The following UNC13A variants were observed in gnomAD, a reference collection of about 807,000 sequenced individuals.
UNC13A encodes unc-13 homolog A.
In UNC13A, 61 loss-of-function variants were observed where a neutral mutation model predicts 219.7. That is an observed-to-expected ratio of 0.28 (90% CI 0.23 to 0.34). UNC13A has a LOEUF of 0.34. UNC13A is among the 10% of genes least tolerant of loss of function. The pLI, the probability that UNC13A is intolerant of heterozygous loss-of-function variation, is 1.00. For synonymous variants in UNC13A, 920 were observed against 884.6 expected, an observed-to-expected ratio of 1.04 and a Z score of -0.71; for missense variants, 1,476 against 2,270.3, an observed-to-expected ratio of 0.65 and a Z score of 7.11.
Position 17,606,063 on chromosome 19 carries a change from A to C in UNC13A, c.5103T>G (p.Pro1701=), listed in dbSNP as rs772836083. The C allele has an allele frequency of 5.1e-6, 8 of 1,564,250 alleles. 1 individual carries two copies. Among genetic ancestry groups the C allele is most frequent in the Admixed American group, 3.7e-5 (2 of 53,642 alleles). The change falls in exon 44 of 44, where the codon CCT becomes CCG. Residue 1701 remains proline (P), a synonymous_variant. Coordinates refer to ENST00000519716, the MANE Select transcript of UNC13A (RefSeq NM_001080421.3). Reference sequence around the variant, plus strand: ...CGGCCGACCGCCCGCGCTAAGGCGCAGGCGCGGCACCGCCCTCCTCGGCGG... The same window carrying C: ...CGGCCGACCGCCCGCGCTAAGGCGCCGGCGCGGCACCGCCCTCCTCGGCGG... The part of the protein sequence containing the change: ...TRSAEEGGAA[P]AP
At chr19:17,685,199 C>CT (rs11432679) in intron 1 of UNC13A, among the ~76,000 whole-genome samples, 16,895 of 151,052 alleles carry the variant, frequency 0.11, 1,052 homozygotes, top group South Asian at 0.24. Context: ...ATGAGTGAAT[C>CT]TTTTTTTTTG....
In UNC13A at chr19:17,601,932, C is replaced by T. The variant is rs1229289992; in HGVS notation, c.*4122G>A. On this transcript the variant is annotated 3_prime_UTR_variant, in exon 44 of 44. Coordinates refer to ENST00000519716, the MANE Select transcript of UNC13A (RefSeq NM_001080421.3). ...TTGTGATCCGGGACTAAGGCCCTCC[C>T]CCAACTTCCCCAGGGTGGCAGAGTT... 1 of 152,630 alleles carries T rather than the reference C, an allele frequency of 6.6e-6. No individual in the cohort carries two copies. Among genetic ancestry groups the T allele is most frequent in the African/African-American group, 2.4e-5 (1 of 41,440 alleles). 9.5% of individuals were successfully genotyped at this position (152,630 alleles called of 1,614,324 possible). A position where few individuals can be genotyped will look rare whatever the true frequency, so the allele number is the denominator to read the frequency against.
chr19:17,679,747 T>G (rs936411901), intron 1 of UNC13A, among the ~76,000 whole-genome samples: 1 of 152,090 alleles, frequency 6.6e-6, no homozygotes, highest in Non-Finnish European at 1.5e-5. Flanking sequence ...TTCTCTCCAC[T>G]CTGGTCGTCT....
intron 9 of UNC13A, among the ~76,000 whole-genome samples, chr19:17,657,740 G>C (rs1439929310): frequency 6.6e-6 from 1 of 151,952 alleles, no homozygotes; most frequent in African/African-American, 2.4e-5. Flanking sequence ...GTGGCGGCCT[G>C]TGCCTGTAGT....
At chr19:17,663,964 GT>G (rs1345295301) in intron 7 of UNC13A, among the ~76,000 whole-genome samples, 1 of 145,540 alleles carries the variant, frequency 6.9e-6, no homozygotes, top group Non-Finnish European at 1.5e-5. Flanking sequence ...TTCAGCTAAT[GT>G]TTTGGTTCTT....
chr19:17,622,122 G>A (rs2076736000), intron 36 of UNC13A, among the ~76,000 whole-genome samples: 1 of 152,134 alleles, frequency 6.6e-6, no homozygotes, highest in South Asian at 2.1e-4. Flanking sequence ...CAGATACAGA[G>A]CTAAAGAAAG....
Position 17,606,326 on chromosome 19 carries a change from A to T in UNC13A, c.4840T>A (p.Cys1614Ser). 6.5e-7 allele frequency: 1 copy of T among 1,548,002 alleles called. No individual in the cohort carries two copies. The highest frequency in any genetic ancestry group is 8.7e-7 in the Non-Finnish European group (1 of 1,147,566). The change falls in exon 44 of 44, where the codon TGC becomes AGC. Residue 1614 changes from cysteine to serine, a missense_variant. Around this residue, in one of 14 missense-constraint regions of UNC13A, gnomAD observed 187 missense variants for 172.3 expected, o/e 1.09. Transcript: ENST00000519716. ...TTGACGCACACCTGCAGCTCATAGC[A>T]CTCGGGACCCGCGTCGGCGCTCAGC... Reference protein sequence around the residue: ...FTLSADAGPECYELQVCVKDY... With the variant: ...FTLSADAGPESYELQVCVKDY...
At chr19:17,682,964 C>T (rs1443493944) in intron 1 of UNC13A, among the ~76,000 whole-genome samples, 1 of 152,166 alleles carries the variant, frequency 6.6e-6, no homozygotes, top group Non-Finnish European at 1.5e-5. Context: ...ACTCAGGAGG[C>T]TGAGGCAGGA....
Position 17,616,776 on chromosome 19 carries a change from G to T in UNC13A, c.4558+926C>A, listed in dbSNP as rs576052859. Among the ~76,000 whole-genome samples the T allele has an allele frequency of 2.4e-3, 365 of 152,250 alleles. 3 individuals are homozygous for T. Among genetic ancestry groups the T allele is most frequent in the African/African-American group, 8.3e-3 (345 of 41,548 alleles). On this transcript the variant is annotated intron_variant, in intron 41 of 43. Transcript: ENST00000519716. ...TGGGCTGGCTGGATCGGGGGAGAAG[G>T]GGGCCGTTGGAGGCCACAGGGCTTT...
intron 2 of UNC13A, 42 bp downstream of exon 2, chr19:17,675,970 A>G: frequency 2.6e-6 from 4 of 1,550,448 alleles, no homozygotes; most frequent in Non-Finnish European, 3.5e-6. Flanking sequence ...ACAGACAGAC[A>G]GACAGACAAC....
At chr19:17,670,656 C>A (rs1469409634) in intron 4 of UNC13A, among the ~76,000 whole-genome samples, 1 of 152,124 alleles carries the variant, frequency 6.6e-6, no homozygotes, top group African/African-American at 2.4e-5. Flanking sequence ...GTAATCCCAG[C>A]ACTTTGCGAG....
At chr19:17,625,011 T>G in intron 34 of UNC13A, 59 bp from the exon 35 acceptor site, 1 of 1,581,294 alleles carries the variant, frequency 6.3e-7, no homozygotes, top group Non-Finnish European at 8.6e-7. Context: ...ACAGATCACC[T>G]TCCCTTAACA....
intron 28 of UNC13A, among the ~76,000 whole-genome samples, chr19:17,632,322 G>A (rs2076865038): frequency 6.6e-6 from 1 of 152,138 alleles, no homozygotes; most frequent in Non-Finnish European, 1.5e-5. Context: ...TGGGATTACA[G>A]GCACAAGCCA....
chr19:17,632,949 G>C (rs1555779139), intron 27 of UNC13A, 41 bp from the exon 28 acceptor site: 1 of 1,613,090 alleles, frequency 6.2e-7, no homozygotes, highest in Non-Finnish European at 8.5e-7. Flanking sequence ...GGAAGGGTCT[G>C]CCACCCTCTG....
At position 17,609,973 on chromosome 19, in the gene UNC13A, C is replaced by A; in HGVS notation, c.4778G>T (p.Ser1593Ile). 1.2e-6 allele frequency: 2 copies of A among 1,613,980 alleles called. No individual in the cohort carries two copies. Among genetic ancestry groups the A allele is most frequent in the Non-Finnish European group, 1.7e-6 (2 of 1,179,904 alleles). The change falls in exon 43 of 44, where the codon AGC (serine) becomes ATC (isoleucine). Residue 1593 changes from serine to isoleucine, a missense_variant. Ser to Ile is a moderately radical substitution (Grantham distance 142). Coordinates refer to ENST00000519716, the MANE Select transcript of UNC13A (RefSeq NM_001080421.3). ...RKFATKSKNNSWAPKYNESFQ... is the reference protein window; with the variant it reads ...RKFATKSKNNIWAPKYNESFQ... Reference sequence around the variant, plus strand: ...GCTCTCATTGTACTTGGGAGCCCAGCTATTGTTCTTGGATTTGGTCGCAAA... The same window carrying A: ...GCTCTCATTGTACTTGGGAGCCCAGATATTGTTCTTGGATTTGGTCGCAAA...
Position 17,681,336 on chromosome 19 carries a change from T to C in UNC13A, c.23-5295A>G, listed in dbSNP as rs190311804. On this transcript the variant is annotated intron_variant, in intron 1 of 43. Coordinates refer to ENST00000519716, the MANE Select transcript of UNC13A (RefSeq NM_001080421.3). ...AAAGCCCACCCGCCCCAGGATTAGC[T>C]TGGGGGAAGGGAGGAAGCATAGAGA... 4.1e-4 allele frequency among the ~76,000 whole-genome samples: 63 copies of C among 152,028 alleles called. No individual in the cohort carries two copies. In the Middle Eastern group the frequency reaches 0.017, roughly 41 times the overall value.
rs368044110 is a variant in UNC13A, at chr19:17,651,276, T to TG, written c.1439+1354dup. ...TTAAAAAAAAATTCTTTTGTAGAGA[T>TG]GGGGGTCTCGCTATGTTGCCCAGGC... is the stretch of plus-strand genomic sequence containing the variant. On this transcript the variant is annotated intron_variant, in intron 12 of 43. Coordinates refer to ENST00000519716, the MANE Select transcript of UNC13A (RefSeq NM_001080421.3). Among the ~76,000 whole-genome samples the TG allele has an allele frequency of 1.5e-4, 22 of 151,032 alleles. 1 individual carries two copies. The highest frequency in any genetic ancestry group is 5.1e-4 in the African/African-American group (21 of 40,988).
Position 17,668,101 on chromosome 19 carries a change from C to T in UNC13A, c.468+16G>A. On this transcript the variant is annotated intron_variant, in intron 6 of 43. Coordinates refer to ENST00000519716, the MANE Select transcript of UNC13A (RefSeq NM_001080421.3). ...GAAACAAGGAAGAAACAGTCCCCTC[C>T]CACCCCAACACTCACTTCATCCTGG... The T allele has an allele frequency of 6.2e-7, 1 of 1,612,638 alleles. No homozygotes were observed. Among genetic ancestry groups the T allele is most frequent in the Non-Finnish European group, 8.5e-7 (1 of 1,179,110 alleles).
In UNC13A at chr19:17,627,654, C is replaced by T. The variant is rs1273727414; in HGVS notation, c.3832-57G>A. Reference sequence around the variant, plus strand: ...TCAGTAAGTATCCACATGTACTGGGCATTTTCTCATCTGACCCAGGGAAAG... The same window carrying T: ...TCAGTAAGTATCCACATGTACTGGGTATTTTCTCATCTGACCCAGGGAAAG... On this transcript the variant is annotated intron_variant, in intron 32 of 43. Coordinates refer to ENST00000519716, the MANE Select transcript of UNC13A (RefSeq NM_001080421.3). The surrounding 1 kb of genome is among the most constrained non-coding windows in gnomAD (Gnocchi z 4.7). 16 of 1,434,536 alleles carry T rather than the reference C, an allele frequency of 1.1e-5. No homozygotes were observed. Among genetic ancestry groups the T allele is most frequent in the South Asian group, 4.9e-5 (4 of 82,106 alleles). The allele number at this position is 1,434,536 out of a possible 1,614,324, so 88.9% of individuals were successfully genotyped here. A position where few individuals can be genotyped will look rare whatever the true frequency, so the allele number is the denominator to read the frequency against.
Sources: allele counts gnomAD v4.1 joint callset (sites outside exome capture counted in the v4.1 genomes callset), GRCh38; gene constraint gnomAD v4.1.1; regional missense constraint gnomAD v4.1.1; non-coding constraint Gnocchi (gnomAD v3.1); transcripts MANE v1.5; gene names NCBI Gene and HGNC (gene_info 2026-07-23, HGNC 2026-07-21).